Variants in PLEKHG1 observed in about 807,000 individuals in gnomAD.
PLEKHG1 encodes the protein pleckstrin homology domain-containing family G member 1.
PLEKHG1 carries 44 observed loss-of-function variants against 100.8 expected under a neutral mutation model. The observed-to-expected ratio is 0.44, with a 90% CI of 0.34 to 0.56. PLEKHG1 has a LOEUF of 0.56. Among genes scored for constraint, PLEKHG1 ranks in the 20% least tolerant of loss-of-function variants. The probability of loss-of-function intolerance (pLI) is 0.01; values close to 1 mark genes in which losing one functional copy is unlikely to be tolerated. For synonymous variants in PLEKHG1, 640 were observed against 662.5 expected (o/e 0.97, Z 0.52); for missense variants, 1,545 against 1,720.9 (o/e 0.90, Z 1.81).
chr6:150,681,511 AAAAAG>A (rs1459455049), intron 3 of PLEKHG1, among the ~76,000 whole-genome samples: 2 of 151,952 alleles, frequency 1.3e-5, no homozygotes, highest in Non-Finnish European at 2.9e-5. Context: ...TCAAAAAAAA[AAAAAG>A]AAAGGATAAT....
intron 2 of PLEKHG1, among the ~76,000 whole-genome samples, chr6:150,737,050 T>G (rs1782596879): frequency 6.6e-6 from 1 of 152,154 alleles, no homozygotes; most frequent in Non-Finnish European, 1.5e-5. Context: ...ACTAGAATGC[T>G]TTGCATCATT....
At chr6:150,634,287 AAAAG>A (rs1280343357) in intron 1 of PLEKHG1, among the ~76,000 whole-genome samples, 1 of 152,048 alleles carries the variant, frequency 6.6e-6, no homozygotes, top group African/African-American at 2.4e-5. Flanking sequence ...GAAGAAAAAA[AAAAG>A]AACTGTGATC....
At chr6:150,661,334 C>CT (rs1156522792) in intron 3 of PLEKHG1, among the ~76,000 whole-genome samples, 7 of 152,204 alleles carry the variant, frequency 4.6e-5, no homozygotes, top group Non-Finnish European at 1.0e-4. Flanking sequence ...TAGAGAAAGA[C>CT]TGAGAACAAA....
chr6:150,760,181 G>A (rs1784076429), intron 2 of PLEKHG1, among the ~76,000 whole-genome samples: 2 of 152,028 alleles, frequency 1.3e-5, no homozygotes, highest in South Asian at 4.1e-4. Context: ...TGATTATAAT[G>A]AAGATGAATC....
At chr6:150,761,099 CTTTTTTT>C (rs35068801) in intron 2 of PLEKHG1, among the ~76,000 whole-genome samples, 78 of 95,910 alleles carry the variant, frequency 8.1e-4, no homozygotes, top group South Asian at 4.9e-3. Flanking sequence ...TTCTTTTTTT[CTTTTTTT>C]TTTTTTTTTT....
intron 10 of PLEKHG1, among the ~76,000 whole-genome samples, chr6:150,817,708 C>G (rs1394102597): frequency 6.6e-6 from 1 of 152,038 alleles, no homozygotes; most frequent in Non-Finnish European, 1.5e-5. Context: ...CAGGCACCCG[C>G]CACCATGCCT....
chr6:150,829,211 T>A (rs949600488), intron 14 of PLEKHG1, among the ~76,000 whole-genome samples: 1 of 152,240 alleles, frequency 6.6e-6, no homozygotes, highest in African/African-American at 2.4e-5. Context: ...TTGAAGTTAA[T>A]CCTGTCTGCA....
intron 10 of PLEKHG1, among the ~76,000 whole-genome samples, chr6:150,817,340 G>A (rs1313055827): frequency 6.6e-6 from 1 of 152,172 alleles, no homozygotes; most frequent in East Asian, 1.9e-4. Flanking sequence ...GAGGTGCAGG[G>A]AGTTGGGGAA....
Position 150,681,502 on chromosome 6 carries a change from C to CA in PLEKHG1, c.-99+30729dup, listed in dbSNP as rs762515691. On this transcript the variant is annotated intron_variant, in intron 3 of 3. Transcript: ENST00000367326. ...CTGGCGACAGAGCGTGACTCTGTCT[C>CA]AAAAAAAAAAAAAGAAAGGATAATA... 5.3e-3 allele frequency among the ~76,000 whole-genome samples: 638 copies of CA among 120,888 alleles called. 6 individuals are homozygous for CA. The highest frequency in any genetic ancestry group is 0.013 in the African/African-American group (440 of 32,992). 79.3% of individuals were successfully genotyped at this position (120,888 alleles called of 152,430 possible).
chr6:150,748,615 CTTTTTTTTTT>C (rs746682669), intron 2 of PLEKHG1, among the ~76,000 whole-genome samples: 2 of 118,196 alleles, frequency 1.7e-5, no homozygotes, highest in Non-Finnish European at 3.4e-5. Flanking sequence ...TACCTTTGAC[CTTTTTTTTTT>C]TTTTTTTTTT....
chr6:150,723,707 G>C (rs1781814387), intron 1 of PLEKHG1, among the ~76,000 whole-genome samples: 1 of 152,126 alleles, frequency 6.6e-6, no homozygotes, highest in Non-Finnish European at 1.5e-5. Flanking sequence ...TCATAATAAG[G>C]CTCACCTGTT....
chr6:150,669,837 A>T (rs1779526058), intron 3 of PLEKHG1, among the ~76,000 whole-genome samples: 1 of 152,006 alleles, frequency 6.6e-6, no homozygotes, highest in African/African-American at 2.4e-5. Flanking sequence ...ACCTCAGGCG[A>T]TCCACCCACC....
chr6:150,711,036 T>C lies in PLEKHG1; in HGVS notation c.-98-22548T>C, dbSNP rs192058272. Among the ~76,000 whole-genome samples the C allele has an allele frequency of 3.3e-4, 51 of 152,340 alleles. 1 individual carries two copies. The East Asian group carries it at 9.3e-3, about 28-fold the overall frequency. ...TTTTGAGGACGCAGCGATGTTGATGTACCTGAAAGTCTGACTTGGGAGGAG... is the reference window on the plus strand; with the variant it reads ...TTTTGAGGACGCAGCGATGTTGATGCACCTGAAAGTCTGACTTGGGAGGAG... On this transcript the variant is annotated intron_variant, in intron 3 of 3. Transcript: ENST00000367326.
chr6:150,809,658 A>T, exon 10 of PLEKHG1: 1 of 1,613,812 alleles, frequency 6.2e-7, no homozygotes, highest in Non-Finnish European at 8.5e-7. Flanking sequence ...GCCAAATCCC[A>T]GCAAGACAAA....
intron 15 of PLEKHG1, among the ~76,000 whole-genome samples, chr6:150,832,543 T>G (rs557069956): frequency 1.3e-5 from 2 of 152,232 alleles, no homozygotes; most frequent in East Asian, 3.9e-4. Context: ...TTCCAGTATA[T>G]CAGTAATTTT....
intron 1 of PLEKHG1, among the ~76,000 whole-genome samples, chr6:150,725,023 A>G (rs9478801): frequency 0.2 from 31,062 of 152,126 alleles, 4,649 homozygotes; most frequent in African/African-American, 0.42. Flanking sequence ...GTCTTAGTCC[A>G]TTTATGCTGC....
At chr6:150,720,144 A>G (rs1781605870), upstream of PLEKHG1, among the ~76,000 whole-genome samples, 2 of 152,194 alleles carry the variant, frequency 1.3e-5, no homozygotes, top group South Asian at 2.1e-4. Context: ...GACATAATCC[A>G]TATTTTGAAT....
At chr6:150,723,100 C>G (rs1051268930) in intron 1 of PLEKHG1, among the ~76,000 whole-genome samples, 13 of 152,188 alleles carry the variant, frequency 8.5e-5, no homozygotes, top group African/African-American at 2.9e-4. Flanking sequence ...GGGAAGAGGC[C>G]GTGCAGTCGT....
At chr6:150,628,578 C>CACACACACACACACACACACA (rs1263436444) in intron 1 of PLEKHG1, among the ~76,000 whole-genome samples, 1 of 32,108 alleles carries the variant, frequency 3.1e-5, no homozygotes, top group Non-Finnish European at 7.2e-5. Context: ...ACACACACAC[C>CACACACACACACACACACACA]CCGTCCTTGC....
Sources: gnomAD v4.1 joint callset for allele counts (sites outside exome capture counted in the v4.1 genomes callset) on GRCh38, gnomAD v4.1.1 for gene constraint, MANE v1.5 for transcripts, NCBI Gene and HGNC (gene_info 2026-07-23, HGNC 2026-07-21) for gene names.